Variants in DNAH11 observed in about 807,000 individuals in gnomAD.
DNAH11 encodes the protein dynein axonemal heavy chain 11.
In DNAH11, 442 loss-of-function variants were observed where a neutral mutation model predicts 526.0. The ratio of observed to expected loss-of-function variants is 0.84; its 90% CI spans 0.78 to 0.91. The LOEUF is 0.91. DNAH11 is among the 40% of genes least tolerant of loss of function. The pLI is 0.00. For synonymous variants in DNAH11, 2,461 were observed against 1,935.9 expected, an observed-to-expected ratio of 1.27 and a Z score of -7.12; for missense variants, 6,989 against 5,448.7, an observed-to-expected ratio of 1.28 and a Z score of -8.90.
rs777863979 is a variant in DNAH11, at chr7:21,681,623, T to A, written c.5406T>A (p.Ile1802=). 11 of 1,613,916 alleles carry A rather than the reference T, an allele frequency of 6.8e-6. No homozygotes were observed. Among genetic ancestry groups the A allele is most frequent in the Middle Eastern group, 1.6e-4 (1 of 6,062 alleles). The stretch of plus-strand genomic sequence containing the variant: ...GAGACAGACAGAAGATCATGACAAT[T>A]TGTACCATAGATGTCCATGCCAGAG... ...PPGDRQKIMT[I]CTIDVHARDV... The change falls in exon 31 of 82, where the codon ATT becomes ATA. Residue 1802 remains isoleucine (I), a synonymous_variant. Transcript: ENST00000409508.
intron 65 of DNAH11, among the ~76,000 whole-genome samples, chr7:21,839,566 C>T (rs1782125465): frequency 6.8e-6 from 1 of 146,688 alleles, no homozygotes; most frequent in African/African-American, 2.7e-5. Context: ...CAGAGTGAGA[C>T]TCCGTTTCAA....
chr7:21,853,067 A>T (rs11763735), intron 67 of DNAH11, among the ~76,000 whole-genome samples: 1 of 151,922 alleles, frequency 6.6e-6, no homozygotes, highest in Non-Finnish European at 1.5e-5. Flanking sequence ...CAGGATACCG[A>T]GCAAAGGATA....
chr7:21,818,795 T>G (rs773717085), intron 65 of DNAH11, among the ~76,000 whole-genome samples: 2 of 152,160 alleles, frequency 1.3e-5, no homozygotes, highest in Non-Finnish European at 2.9e-5. Context: ...ATACTTAAAA[T>G]GTAACCATTC....
chr7:21,836,460 T>C (rs1479194502), intron 65 of DNAH11, among the ~76,000 whole-genome samples: 2 of 152,112 alleles, frequency 1.3e-5, no homozygotes, highest in African/African-American at 2.4e-5. Flanking sequence ...AGTCAACTGA[T>C]TTTCAACAAA....
chr7:21,685,210 T>G (rs546601302), intron 32 of DNAH11, among the ~76,000 whole-genome samples: 2 of 152,218 alleles, frequency 1.3e-5, no homozygotes, highest in Non-Finnish European at 2.9e-5. Context: ...GGGATTAAAA[T>G]TGTAGCTTGA....
chr7:21,661,268 A>C (rs1009581907), intron 30 of DNAH11, among the ~76,000 whole-genome samples: 1 of 151,952 alleles, frequency 6.6e-6, no homozygotes, highest in African/African-American at 2.4e-5. Context: ...GACTTTGCTC[A>C]TTTTTTATTT....
intron 70 of DNAH11, 144 bp downstream of exon 70, chr7:21,864,801 T>C (rs949480240): frequency 1.1e-5 from 9 of 787,176 alleles, no homozygotes; most frequent in Non-Finnish European, 1.6e-5. Context: ...AATGTGATGT[T>C]ATTAATCTTT....
intron 6 of DNAH11, among the ~76,000 whole-genome samples, chr7:21,565,235 C>T (rs1422566184): frequency 2.0e-5 from 3 of 152,008 alleles, no homozygotes; most frequent in South Asian, 2.1e-4. Context: ...TGGCTGCCTT[C>T]TCACTGTGTC....
chr7:21,797,307 C>T (rs1367793527), intron 61 of DNAH11, among the ~76,000 whole-genome samples: 3 of 148,468 alleles, frequency 2.0e-5, no homozygotes, highest in South Asian at 4.2e-4. Context: ...ACAACCTCCA[C>T]CTCCGAGGTT....
chr7:21,722,742 G>A (rs574254056), intron 44 of DNAH11, among the ~76,000 whole-genome samples: 6 of 152,256 alleles, frequency 3.9e-5, no homozygotes, highest in African/African-American at 9.6e-5. Context: ...TCAGAGGCAC[G>A]GTTTACAACA....
At chr7:21,684,873 A>C (rs2128473318) in intron 32 of DNAH11, among the ~76,000 whole-genome samples, 1 of 152,366 alleles carries the variant, frequency 6.6e-6, no homozygotes, top group African/African-American at 2.4e-5. Context: ...GATGGGAGAC[A>C]GCACATTTAA....
At chr7:21,708,765 ACT>A in intron 40 of DNAH11, among the ~76,000 whole-genome samples, 1 of 152,148 alleles carries the variant, frequency 6.6e-6, no homozygotes, top group East Asian at 1.9e-4. Flanking sequence ...CGTCGGCAAC[ACT>A]CTTCTGGATG....
intron 9 of DNAH11, among the ~76,000 whole-genome samples, chr7:21,587,083 T>C (rs1367615045): frequency 6.6e-6 from 1 of 152,212 alleles, no homozygotes; most frequent in Non-Finnish European, 1.5e-5. Context: ...AAACATTGGT[T>C]ATATACAAAT....
At chr7:21,654,901 C>T (rs915432448) in intron 28 of DNAH11, among the ~76,000 whole-genome samples, 4 of 152,106 alleles carry the variant, frequency 2.6e-5, no homozygotes, top group Admixed American at 2.6e-4. Flanking sequence ...GGGCAGTGCT[C>T]CCCAGAGGAG....
chr7:21,777,263 G>C (rs1336595158), intron 56 of DNAH11, among the ~76,000 whole-genome samples: 1 of 152,070 alleles, frequency 6.6e-6, no homozygotes, highest in Admixed American at 6.6e-5. Context: ...TCCATAATTT[G>C]TCCTTTTTTA....
At chr7:21,860,306 G>C (rs1442200957) in intron 68 of DNAH11, among the ~76,000 whole-genome samples, 2 of 150,832 alleles carry the variant, frequency 1.3e-5, no homozygotes, top group African/African-American at 2.4e-5. Context: ...AAGATAACAA[G>C]TGTTGGTAAT....
At position 21,543,524 on chromosome 7, in the gene DNAH11, T is replaced by C; in HGVS notation, c.279T>C (p.Phe93=). 2.5e-6 allele frequency: 4 copies of C among 1,609,962 alleles called. No individual in the cohort carries two copies. Among genetic ancestry groups the C allele is most frequent in the Non-Finnish European group, 3.4e-6 (4 of 1,178,154 alleles). ...ACAACCGGCAGGTTCTTGGGGAGTTTCTGGAAAGCACCAGCCCGGCTTGCC... is the reference window on the plus strand; with the variant it reads ...ACAACCGGCAGGTTCTTGGGGAGTTCCTGGAAAGCACCAGCCCGGCTTGCC... ...SEDNRQVLGE[F]LESTSPACLV... is the part of the protein sequence containing the mutation. Residue 93 remains phenylalanine (F), a synonymous_variant, in exon 1 of 82, where the codon TTT becomes TTC. Coordinates refer to ENST00000409508, the MANE Select transcript of DNAH11 (RefSeq NM_001277115.2).
In DNAH11 at chr7:21,901,286, G is replaced by A. The variant is rs1415059117; in HGVS notation, c.*32G>A. The A allele has an allele frequency of 6.4e-7, 1 of 1,566,392 alleles. No individual in the cohort carries two copies. The highest frequency in any genetic ancestry group is 1.9e-5 in the Admixed American group (1 of 53,114). On this transcript the variant is annotated 3_prime_UTR_variant, in exon 82 of 82. Transcript: ENST00000409508. Reference sequence around the variant, plus strand: ...ACTGGCATTCCTCTAGCCTCTGCTGGAGTGCAGTGAGGATTTTCTAGCATG... The same window carrying A: ...ACTGGCATTCCTCTAGCCTCTGCTGAAGTGCAGTGAGGATTTTCTAGCATG...
At chr7:21,850,684 G>A (rs1782599497) in intron 66 of DNAH11, among the ~76,000 whole-genome samples, 2 of 135,452 alleles carry the variant, frequency 1.5e-5, no homozygotes, top group African/African-American at 2.8e-5. Flanking sequence ...AACCAGACAT[G>A]ATGTATTAGA....
Sources: allele counts gnomAD v4.1 joint callset (sites outside exome capture counted in the v4.1 genomes callset), GRCh38; gene constraint gnomAD v4.1.1; transcripts MANE v1.5; gene names NCBI Gene and HGNC (gene_info 2026-07-23, HGNC 2026-07-21).